The following BZW2 variants were observed in gnomAD, a reference collection of about 807,000 sequenced individuals.
BZW2 encodes eIF5-mimic protein 1.
A neutral mutation model predicts 53.2 loss-of-function variants in BZW2; 23 were observed. That is an observed-to-expected ratio of 0.43 (90% CI 0.31 to 0.61). The LOEUF (loss-of-function observed/expected upper bound fraction) is 0.61. BZW2 is among the 20% of genes least tolerant of loss of function. The pLI, the probability that BZW2 is intolerant of heterozygous loss-of-function variation, is 0.09. For synonymous variants in BZW2, 227 were observed against 186.4 expected (o/e 1.22, Z -1.77); for missense variants, 409 against 503.1 (o/e 0.81, Z 1.79).
At chr7:16,656,888 G>A (rs1583701361) in intron 1 of BZW2, among the ~76,000 whole-genome samples, 1 of 152,128 alleles carries the variant, frequency 6.6e-6, no homozygotes, top group African/African-American at 2.4e-5. Context: ...TAGGCCAGTG[G>A]AATTGTCCTC....
intron 3 of BZW2, among the ~76,000 whole-genome samples, chr7:16,675,029 AT>A (rs146275067): frequency 0.069 from 10,466 of 152,272 alleles, 414 homozygotes; most frequent in Non-Finnish European, 0.083. Flanking sequence ...AATCATTTAA[AT>A]TTTAAGTAAG....
chr7:16,647,680 A>G (rs1225277034), intron 1 of BZW2, among the ~76,000 whole-genome samples: 2 of 152,232 alleles, frequency 1.3e-5, no homozygotes, highest in African/African-American at 4.8e-5. Flanking sequence ...AAGGCTCCTG[A>G]GAGTGACCAA....
chr7:16,666,266 T>TA (rs1292602988), intron 2 of BZW2, among the ~76,000 whole-genome samples: 1 of 151,856 alleles, frequency 6.6e-6, no homozygotes, highest in Non-Finnish European at 1.5e-5. Flanking sequence ...GGCTACGTTT[T>TA]AAAAAAATTT....
rs1309305381 is a variant in BZW2 at position 16,685,936 on chromosome 7, CAG to C, written c.440_441del (p.Glu147AlafsTer71). 2 of 1,514,716 alleles carry C rather than the reference CAG, an allele frequency of 1.3e-6. No homozygotes were observed. Among genetic ancestry groups the C allele is most frequent in the Non-Finnish European group, 1.8e-6 (2 of 1,131,538 alleles). 93.8% of individuals were successfully genotyped at this position (1,514,716 alleles called of 1,614,324 possible). A position where few individuals can be genotyped will look rare whatever the true frequency, so the allele number is the denominator to read the frequency against. On this transcript the variant is annotated frameshift_variant, in exon 6 of 12. Coordinates refer to ENST00000258761, the MANE Select transcript of BZW2 (RefSeq NM_014038.3). LOFTEE classifies it high-confidence loss of function. Reference sequence around the variant, plus strand: ...CTCTTCCTTAAAGCCTTTTCCGAAACAGAGCAGACAAAGTTGGCGATGCTGTC... The same window carrying C: ...CTCTTCCTTAAAGCCTTTTCCGAAACAGCAGACAAAGTTGGCGATGCTGTC...
intron 1 of BZW2, among the ~76,000 whole-genome samples, chr7:16,652,354 G>GCT (rs1478910241): frequency 1.3e-5 from 2 of 152,006 alleles, no homozygotes; most frequent in Admixed American, 1.3e-4. Context: ...ATCAGTGCTT[G>GCT]CTAACTTGTT....
At chr7:16,689,600 T>C (rs1783238295) in intron 6 of BZW2, among the ~76,000 whole-genome samples, 197 bp from the exon 7 acceptor site, 1 of 152,260 alleles carries the variant, frequency 6.6e-6, no homozygotes, top group Non-Finnish European at 1.5e-5. Flanking sequence ...TATTTTAATT[T>C]ATTTTCCTTT....
At chr7:16,680,843 C>T (rs1430612570) in intron 3 of BZW2, among the ~76,000 whole-genome samples, 1 of 152,084 alleles carries the variant, frequency 6.6e-6, no homozygotes. Context: ...CAGTGGCTCA[C>T]ACCTGTAATC....
chr7:16,658,853 C>G (rs1199146488), intron 1 of BZW2, among the ~76,000 whole-genome samples: 2 of 150,690 alleles, frequency 1.3e-5, no homozygotes, highest in Non-Finnish European at 2.9e-5. Context: ...CCAGCCTGGG[C>G]AACAGAGCAA....
At chr7:16,696,306 T>G (rs1434925510) in intron 8 of BZW2, among the ~76,000 whole-genome samples, 2 of 152,224 alleles carry the variant, frequency 1.3e-5, no homozygotes, top group African/African-American at 2.4e-5. Context: ...CAGGGTTGAG[T>G]ATAAATTTGC....
intron 1 of BZW2, among the ~76,000 whole-genome samples, chr7:16,650,406 A>C (rs1313364871): frequency 6.6e-6 from 1 of 152,198 alleles, no homozygotes; most frequent in East Asian, 1.9e-4. Flanking sequence ...ATTCCAAAAA[A>C]AAAGAGTACC....
intron 2 of BZW2, among the ~76,000 whole-genome samples, chr7:16,671,930 C>CAAA (rs56356463): frequency 3.4e-4 from 34 of 99,400 alleles, no homozygotes; most frequent in African/African-American, 1.2e-3. Context: ...GACCCTGTTT[C>CAAA]AAAAAAAAAA....
chr7:16,703,183 C>T (rs778694762), intron 10 of BZW2, among the ~76,000 whole-genome samples: 14 of 152,110 alleles, frequency 9.2e-5, no homozygotes, highest in Non-Finnish European at 1.6e-4. Context: ...TAACTAGAAG[C>T]TAAGAATAAG....
chr7:16,670,546 G>A (rs995999190), intron 2 of BZW2, among the ~76,000 whole-genome samples: 5 of 152,162 alleles, frequency 3.3e-5, no homozygotes, highest in South Asian at 2.1e-4. Flanking sequence ...GCATGTAGTT[G>A]TTTTATTTCC....
chr7:16,657,052 G>A (rs1288633008), intron 1 of BZW2, among the ~76,000 whole-genome samples: 1 of 152,066 alleles, frequency 6.6e-6, no homozygotes, highest in Non-Finnish European at 1.5e-5. Context: ...CTCTCAGTAG[G>A]GAATGATAGT....
At chr7:16,690,962 A>T (rs187849200) in intron 7 of BZW2, among the ~76,000 whole-genome samples, 1 of 152,252 alleles carries the variant, frequency 6.6e-6, no homozygotes, top group East Asian at 1.9e-4. Context: ...TTCTCTTCCA[A>T]TGTGTTTCAG....
At chr7:16,679,870 A>T (rs1782886054) in intron 3 of BZW2, among the ~76,000 whole-genome samples, 1 of 152,226 alleles carries the variant, frequency 6.6e-6, no homozygotes, top group African/African-American at 2.4e-5. Context: ...ATTAGAAAAT[A>T]AAAATTCCTA....
At chr7:16,677,610 A>G (rs1782806675) in intron 3 of BZW2, among the ~76,000 whole-genome samples, 1 of 152,162 alleles carries the variant, frequency 6.6e-6, no homozygotes, top group Non-Finnish European at 1.5e-5. Context: ...CTGGGGCTCC[A>G]TTTGAAGAAC....
At chr7:16,652,976 G>T (rs1349967946) in intron 1 of BZW2, among the ~76,000 whole-genome samples, 1 of 152,112 alleles carries the variant, frequency 6.6e-6, no homozygotes, top group Non-Finnish European at 1.5e-5. Context: ...ACTAGGCTTG[G>T]CATTTCTATC....
chr7:16,681,027 CGGGGA>C (rs1317707396), intron 3 of BZW2, among the ~76,000 whole-genome samples: 10 of 152,044 alleles, frequency 6.6e-5, no homozygotes, highest in Middle Eastern at 3.2e-3. Context: ...TCGCTTGAAC[CGGGGA>C]GGTGGAGGTT....
Sources: allele counts gnomAD v4.1 joint callset (sites outside exome capture counted in the v4.1 genomes callset), GRCh38; gene constraint gnomAD v4.1.1; transcripts MANE v1.5; gene names NCBI Gene and HGNC (gene_info 2026-07-23, HGNC 2026-07-21).